The following NBEA variants were observed in gnomAD, a reference collection of about 807,000 sequenced individuals.
NBEA encodes lysosomal-trafficking regulator 2.
In NBEA, 44 loss-of-function variants were observed where a neutral mutation model predicts 343.4. The ratio of observed to expected loss-of-function variants is 0.13; its 90% CI spans 0.10 to 0.16. The LOEUF is 0.16. NBEA is among the 10% of genes least tolerant of loss of function. The probability of loss-of-function intolerance (pLI) is 1.00; values close to 1 mark genes in which losing one functional copy is unlikely to be tolerated. For missense variants in NBEA, 2,555 were observed against 3,631.3 expected (o/e 0.70, Z 7.62); for synonymous variants, 1,175 against 1,238.7 (o/e 0.95, Z 1.08).
chr13:35,548,545 G>T (rs1222227928), intron 41 of NBEA, among the ~76,000 whole-genome samples: 1 of 152,234 alleles, frequency 6.6e-6, no homozygotes, highest in Middle Eastern at 3.4e-3. Flanking sequence ...GCTTTCATGG[G>T]AAGATCTATC....
At chr13:35,549,375 A>G (rs1413401140) in intron 41 of NBEA, among the ~76,000 whole-genome samples, 1 of 152,202 alleles carries the variant, frequency 6.6e-6, no homozygotes, top group Non-Finnish European at 1.5e-5. Context: ...AACTGTTTTC[A>G]TTTCCACCAA....
At chr13:35,601,764 AAAAAAAAAAAAAAAAAAAAAAG>A in intron 47 of NBEA, among the ~76,000 whole-genome samples, 1 of 104,560 alleles carries the variant, frequency 9.6e-6, no homozygotes, top group Non-Finnish European at 1.8e-5. Context: ...TCCATCGCAA[AAAAAAAAAAAAAAAAAAAAAAG>A]AAAAAAAAAA....
At chr13:35,475,568 G>A (rs1436547617) in intron 41 of NBEA, 1 of 1,613,436 alleles carries the variant, frequency 6.2e-7, no homozygotes, top group Admixed American at 1.7e-5. Context: ...CAGGGGATGT[G>A]GGGAAGTGGC....
intron 1 of NBEA, among the ~76,000 whole-genome samples, chr13:35,026,844 C>G (rs900903840): frequency 6.6e-6 from 1 of 152,022 alleles, no homozygotes; most frequent in Non-Finnish European, 1.5e-5. Context: ...CAGTTACCTA[C>G]CTAAAATGCC....
At chr13:35,546,577 G>T (rs1213960445) in intron 41 of NBEA, among the ~76,000 whole-genome samples, 1 of 150,656 alleles carries the variant, frequency 6.6e-6, no homozygotes, top group Non-Finnish European at 1.5e-5. Flanking sequence ...TTTTGAGACG[G>T]AATCTTGCTC....
intron 45 of NBEA, 21 bp from the exon 46 acceptor site, chr13:35,583,877 A>G: frequency 1.9e-6 from 3 of 1,591,548 alleles, no homozygotes; most frequent in Non-Finnish European, 2.6e-6. Flanking sequence ...ATTAAACAAA[A>G]TATTTTTTTT....
At chr13:35,325,937 G>A (rs2038528031) in intron 36 of NBEA, among the ~76,000 whole-genome samples, 3 of 151,912 alleles carry the variant, frequency 2.0e-5, no homozygotes, top group Non-Finnish European at 2.9e-5. Flanking sequence ...GCTTATTGTT[G>A]TCAACTTTGT....
At position 34,986,707 on chromosome 13, in the gene NBEA, G is replaced by A. The variant is rs374827856; in HGVS notation, c.294+43593G>A. 6.3e-4 allele frequency among the ~76,000 whole-genome samples: 95 copies of A among 150,856 alleles called. 4 individuals carry two copies. In the South Asian group the frequency reaches 6.5e-3, roughly 10 times the overall value. ...AGGTCTCTAAGGACTTGCTTTATGA[G>A]TCTGGGTGCTCCTGTATTGGGTGCA... On this transcript the variant is annotated intron_variant, in intron 1 of 58. Transcript: ENST00000379939.
chr13:35,577,207 A>G (rs2080784493), intron 45 of NBEA, among the ~76,000 whole-genome samples: 1 of 152,170 alleles, frequency 6.6e-6, no homozygotes, highest in Non-Finnish European at 1.5e-5. Context: ...TTACCTGTCC[A>G]TTTCTGCTGC....
chr13:35,420,995 C>T (rs1458040133), intron 38 of NBEA, among the ~76,000 whole-genome samples: 1 of 151,878 alleles, frequency 6.6e-6, no homozygotes, highest in African/African-American at 2.4e-5. Flanking sequence ...TTCAGTTTCA[C>T]TGATTTTTAT....
chr13:35,153,680 A>G (rs1432091644), intron 18 of NBEA, among the ~76,000 whole-genome samples: 1 of 152,224 alleles, frequency 6.6e-6, no homozygotes, highest in Non-Finnish European at 1.5e-5. Context: ...ATGATAAAGT[A>G]GGGACTTAAA....
chr13:35,175,823 G>A (rs968870450), intron 27 of NBEA, among the ~76,000 whole-genome samples: 2 of 151,958 alleles, frequency 1.3e-5, no homozygotes, highest in African/African-American at 4.8e-5. Flanking sequence ...CAAGTTTCTT[G>A]CATGAATCCC....
intron 1 of NBEA, among the ~76,000 whole-genome samples, chr13:34,947,241 C>T (rs2059212911): frequency 6.6e-6 from 1 of 152,042 alleles, no homozygotes; most frequent in African/African-American, 2.4e-5. Flanking sequence ...AATTTAGTCA[C>T]ATAATGACAC....
chr13:35,612,693 T>C (rs756632764), intron 48 of NBEA, among the ~76,000 whole-genome samples: 40 of 152,128 alleles, frequency 2.6e-4, no homozygotes, highest in Non-Finnish European at 4.9e-4. Context: ...ACCCCAAATT[T>C]TTTGAATGTA....
At chr13:35,534,976 T>G (rs1055423284) in intron 41 of NBEA, among the ~76,000 whole-genome samples, 4 of 152,114 alleles carry the variant, frequency 2.6e-5, no homozygotes, top group African/African-American at 9.7e-5. Context: ...GAATAAAAAC[T>G]CAGCAGAAGA....
At chr13:35,562,637 G>A (rs1426277305) in intron 44 of NBEA, among the ~76,000 whole-genome samples, 1 of 151,988 alleles carries the variant, frequency 6.6e-6, no homozygotes, top group African/African-American at 2.4e-5. Context: ...TTTAGCAACT[G>A]CATGTGTTGG....
chr13:35,657,103 A>G (rs1190750039), intron 55 of NBEA, among the ~76,000 whole-genome samples: 1 of 152,224 alleles, frequency 6.6e-6, no homozygotes, highest in Non-Finnish European at 1.5e-5. Flanking sequence ...GGATAAGAAC[A>G]AAGGCCCCAT....
chr13:35,520,875 A>G (rs1264941048), intron 41 of NBEA, among the ~76,000 whole-genome samples: 1 of 152,206 alleles, frequency 6.6e-6, no homozygotes, highest in Non-Finnish European at 1.5e-5. Context: ...TATGTATGAC[A>G]TACTATAAAT....
intron 44 of NBEA, among the ~76,000 whole-genome samples, chr13:35,563,140 T>TAGATAG (rs1555303341): frequency 3.0e-5 from 4 of 133,234 alleles, no homozygotes; most frequent in East Asian, 2.3e-4. Context: ...TGGAGATAGA[T>TAGATAG]AGATAGATAG....
Sources: allele counts gnomAD v4.1 joint callset (sites outside exome capture counted in the v4.1 genomes callset), GRCh38; gene constraint gnomAD v4.1.1; transcripts MANE v1.5; gene names NCBI Gene and HGNC (gene_info 2026-07-23, HGNC 2026-07-21).